HYDIN: variants seen among roughly 807,000 people sequenced by gnomAD.
HYDIN encodes axonemal central pair apparatus protein HYDIN.
HYDIN carries 132 observed loss-of-function variants against 403.9 expected under a neutral mutation model. The ratio of observed to expected loss-of-function variants is 0.33; its 90% CI spans 0.28 to 0.38. The LOEUF (loss-of-function observed/expected upper bound fraction) is 0.38, where lower values mean the gene tolerates loss of function less well. Ranked by LOEUF, HYDIN falls within the 10% of genes least tolerant of loss-of-function variation. HYDIN has a pLI of 1.00. For synonymous variants in HYDIN, 1,202 were observed against 1,891.7 expected (o/e 0.64, Z 9.46); for missense variants, 2,827 against 5,009.5 (o/e 0.56, Z 13.15).
At chr16:70,920,567 C>T (rs1156876618) in intron 46 of HYDIN, 24 bp downstream of exon 46, 1 of 1,567,832 alleles carries the variant, frequency 6.4e-7, no homozygotes. Context: ...TTGAGACTTC[C>T]CCACCCTGGA....
intron 18 of HYDIN, among the ~76,000 whole-genome samples, chr16:71,051,841 G>T (rs909611207): frequency 6.6e-6 from 1 of 152,158 alleles, no homozygotes; most frequent in African/African-American, 2.4e-5. Flanking sequence ...TCTACGAACA[G>T]AATTAATGAA....
intron 13 of HYDIN, among the ~76,000 whole-genome samples, chr16:71,079,069 C>T (rs565166110): frequency 9.9e-5 from 15 of 151,648 alleles, no homozygotes; most frequent in African/African-American, 3.4e-4. Flanking sequence ...GTACTCTTTT[C>T]CTGTCTCTTC....
At chr16:70,866,726 C>A (rs1456221069) in intron 66 of HYDIN, among the ~76,000 whole-genome samples, 2 of 151,816 alleles carry the variant, frequency 1.3e-5, no homozygotes, top group Non-Finnish European at 2.9e-5. Flanking sequence ...AAATTAATAA[C>A]AGAAAAGATA....
At chr16:71,228,060 A>G (rs1261164142) in intron 1 of HYDIN, among the ~76,000 whole-genome samples, 2 of 152,176 alleles carry the variant, frequency 1.3e-5, no homozygotes, top group African/African-American at 2.4e-5. Context: ...AGAAATGGGG[A>G]AAGGATTCCC....
intron 41 of HYDIN, among the ~76,000 whole-genome samples, chr16:70,951,025 A>T (rs1025616322): frequency 5.9e-5 from 9 of 152,260 alleles, no homozygotes; most frequent in African/African-American, 2.2e-4. Flanking sequence ...GCTTGAGGCC[A>T]AGAGTTCAAG....
intron 73 of HYDIN, chr16:70,852,845 T>A (rs1164000300): frequency 1.3e-5 from 2 of 152,092 alleles, no homozygotes; most frequent in African/African-American, 2.4e-5. Context: ...AAAACTACAA[T>A]GAGATATCCT....
intron 1 of HYDIN, among the ~76,000 whole-genome samples, chr16:71,189,909 A>C (rs1264391877): frequency 6.6e-6 from 1 of 152,180 alleles, no homozygotes; most frequent in Non-Finnish European, 1.5e-5. Context: ...AATATTTTTA[A>C]AACAAATAAG....
At chr16:71,204,257 G>A (rs1361275147) in intron 1 of HYDIN, among the ~76,000 whole-genome samples, 1 of 152,018 alleles carries the variant, frequency 6.6e-6, no homozygotes, top group African/African-American at 2.4e-5. Flanking sequence ...GTAACACCTG[G>A]GAATCAGATT....
Position 70,930,437 on chromosome 16 carries a change from C to T in HYDIN, c.7158+5515G>A, listed in dbSNP as rs4523934. 2.8e-3 allele frequency among the ~76,000 whole-genome samples: 414 copies of T among 149,768 alleles called. 1 individual carries two copies. Among genetic ancestry groups the T allele is most frequent in the Admixed American group, 8.1e-3 (123 of 15,138 alleles). On this transcript the variant is annotated intron_variant, in intron 45 of 85. Transcript: ENST00000393567. ...CGGAGGTTGCAGTGAGCCAAGATTG[C>T]GCCACTGCACTCCAGCCTAGGCGAC... is the stretch of plus-strand genomic sequence containing the variant.
At chr16:71,203,217 T>C (rs965049013) in intron 1 of HYDIN, among the ~76,000 whole-genome samples, 2 of 152,154 alleles carry the variant, frequency 1.3e-5, no homozygotes, top group African/African-American at 2.4e-5. Flanking sequence ...TTGAGAGCAG[T>C]TCCAAACTTT....
intron 7 of HYDIN, among the ~76,000 whole-genome samples, chr16:71,144,632 T>C (rs7202322): frequency 0.086 from 12,974 of 151,258 alleles, 1,899 homozygotes; most frequent in African/African-American, 0.3. Flanking sequence ...CAGAAAAACA[T>C]TAATGGGTAA....
chr16:70,990,221 C>T (rs372502478), intron 25 of HYDIN, among the ~76,000 whole-genome samples: 6,104 of 150,444 alleles, frequency 0.041, 207 homozygotes, highest in Non-Finnish European at 0.062. Context: ...CATGGTGAAA[C>T]CCTGTCTCTA....
intron 8 of HYDIN, chr16:71,132,890 G>A (rs1214416703): frequency 6.4e-6 from 1 of 156,248 alleles, no homozygotes; most frequent in Non-Finnish European, 1.4e-5. Flanking sequence ...CTCAGTCCTA[G>A]TGTTTTGCCA....
chr16:70,864,381 A>C (rs1396969389), intron 67 of HYDIN, among the ~76,000 whole-genome samples: 4 of 114,168 alleles, frequency 3.5e-5, no homozygotes, highest in Non-Finnish European at 5.4e-5. Context: ...AAAAAAAAAA[A>C]AAAAACAGGG....
chr16:71,194,471 A>G (rs551011112), intron 1 of HYDIN, among the ~76,000 whole-genome samples: 2 of 152,314 alleles, frequency 1.3e-5, no homozygotes, highest in Non-Finnish European at 2.9e-5. Flanking sequence ...GTAATAAACC[A>G]AAACTCTGAG....
chr16:71,020,120 T>A, intron 22 of HYDIN, 54 bp downstream of exon 22: 2 of 1,584,706 alleles, frequency 1.3e-6, no homozygotes, highest in Non-Finnish European at 1.7e-6. Flanking sequence ...TCTTCCTTTA[T>A]CACACCCCGC....
At chr16:70,837,319 T>A (rs1159671308) in intron 77 of HYDIN, among the ~76,000 whole-genome samples, 2 of 151,574 alleles carry the variant, frequency 1.3e-5, no homozygotes, top group Non-Finnish European at 2.9e-5. Context: ...AAAAAAATGT[T>A]ATCTATTAAA....
At chr16:70,810,801 C>T (rs1472560709) in intron 84 of HYDIN, among the ~76,000 whole-genome samples, 1 of 152,008 alleles carries the variant, frequency 6.6e-6, no homozygotes, top group African/African-American at 2.4e-5. Flanking sequence ...CTCTAGTCCA[C>T]AGCCTGGGCA....
chr16:70,830,522 C>T (rs1330047989), intron 80 of HYDIN, among the ~76,000 whole-genome samples: 1 of 141,716 alleles, frequency 7.1e-6, no homozygotes, highest in Non-Finnish European at 1.5e-5. Context: ...CGGATCTATG[C>T]TCTAACAGAA....
Sources: allele counts gnomAD v4.1 joint callset (sites outside exome capture counted in the v4.1 genomes callset), GRCh38; gene constraint gnomAD v4.1.1; transcripts MANE v1.5; gene names NCBI Gene and HGNC (gene_info 2026-07-23, HGNC 2026-07-21).